ACVR1: variants seen among roughly 807,000 people sequenced by gnomAD.
The protein encoded by ACVR1 is activin A receptor type 1, also known as activin receptor type-1.
Under a neutral mutation model 57.1 loss-of-function variants are expected in ACVR1, and 38 were observed. The observed-to-expected ratio is 0.67, with a 90% confidence interval of 0.51 to 0.87. The LOEUF is 0.87. Ranked by LOEUF, ACVR1 falls within the 40% of genes least tolerant of loss-of-function variation. The probability of loss-of-function intolerance (pLI) is 0.00; values close to 1 mark genes in which losing one functional copy is unlikely to be tolerated. For synonymous variants in ACVR1, 212 were observed against 228.1 expected (o/e 0.93, Z 0.63); for missense variants, 463 against 638.2 (o/e 0.73, Z 2.96).
chr2:157,839,144 TC>T (rs986007458), intron 1 of ACVR1, among the ~76,000 whole-genome samples: 6 of 152,320 alleles, frequency 3.9e-5, no homozygotes, highest in South Asian at 2.1e-4. Context: ...AGCCACAGGC[TC>T]CTGCTCACTG....
At chr2:157,807,353 C>T (rs903428825) in intron 2 of ACVR1, among the ~76,000 whole-genome samples, 11 of 152,182 alleles carry the variant, frequency 7.2e-5, no homozygotes, top group African/African-American at 2.7e-4. Flanking sequence ...GTGCCTTACT[C>T]GTACCTCAAA....
intron 2 of ACVR1, among the ~76,000 whole-genome samples, chr2:157,809,835 G>A (rs937005932): frequency 6.6e-6 from 1 of 152,156 alleles, no homozygotes; most frequent in African/African-American, 2.4e-5. Flanking sequence ...AGCACTTTGG[G>A]AGGCTGAGGC....
At chr2:157,801,438 A>G (rs1311795329) in intron 2 of ACVR1, among the ~76,000 whole-genome samples, 3 of 152,216 alleles carry the variant, frequency 2.0e-5, no homozygotes, top group Non-Finnish European at 2.9e-5. Context: ...AGCACCAAAG[A>G]AGAGTAAGAA....
At chr2:157,754,035 G>T (rs982379854) in intron 9 of ACVR1, among the ~76,000 whole-genome samples, 1 of 152,062 alleles carries the variant, frequency 6.6e-6, no homozygotes, top group Non-Finnish European at 1.5e-5. Flanking sequence ...AAATCAAGAT[G>T]GAAATTAAAC....
intron 1 of ACVR1, among the ~76,000 whole-genome samples, chr2:157,871,097 G>T (rs1690100768): frequency 6.6e-6 from 1 of 152,184 alleles, no homozygotes; most frequent in Non-Finnish European, 1.5e-5. Context: ...TTGCCTCAAG[G>T]AGCCCAGGGA....
intron 1 of ACVR1, among the ~76,000 whole-genome samples, chr2:157,840,836 G>A (rs948975331): frequency 3.3e-5 from 5 of 152,258 alleles, no homozygotes; most frequent in Non-Finnish European, 5.9e-5. Flanking sequence ...TCCTGCAGCC[G>A]TCCACTTTAT....
chr2:157,762,597 C>CAT (rs1685702410), intron 8 of ACVR1, among the ~76,000 whole-genome samples: 1 of 152,168 alleles, frequency 6.6e-6, no homozygotes, highest in African/African-American at 2.4e-5. Flanking sequence ...AACTTGTGGA[C>CAT]ATATTTTAAA....
intron 9 of ACVR1, among the ~76,000 whole-genome samples, chr2:157,755,107 C>A (rs1685371391): frequency 6.6e-6 from 1 of 152,040 alleles, no homozygotes; most frequent in African/African-American, 2.4e-5. Flanking sequence ...AAGGGACATA[C>A]CTCAATGTAA....
At chr2:157,789,312 C>A (rs181676705) in intron 3 of ACVR1, among the ~76,000 whole-genome samples, 1 of 152,300 alleles carries the variant, frequency 6.6e-6, no homozygotes, top group African/African-American at 2.4e-5. Context: ...CAAACCATTC[C>A]CAGTTTCCAC....
intron 1 of ACVR1, among the ~76,000 whole-genome samples, chr2:157,873,871 C>A (rs956448774): frequency 6.6e-6 from 1 of 152,216 alleles, no homozygotes; most frequent in African/African-American, 2.4e-5. Context: ...AAGTTCCTCA[C>A]TTCTGAAATT....
rs1687300145 is a variant in ACVR1, at chr2:157,800,900, C to T, written c.-7-1400G>A. 2.6e-5 allele frequency among the ~76,000 whole-genome samples: 4 copies of T among 152,010 alleles called. No homozygotes were observed. The South Asian group carries it at 8.3e-4, about 32-fold the overall frequency. ...CTGCCCTGAGCCCCCTCCTCCACCC[C>T]TCTCCAACCCCATTGCCTCCTCCTG... On this transcript the variant is annotated intron_variant, in intron 2 of 10. Coordinates refer to ENST00000434821, the MANE Select transcript of ACVR1 (RefSeq NM_001111067.4).
intron 1 of ACVR1, among the ~76,000 whole-genome samples, chr2:157,860,974 C>G (rs753104040): frequency 6.6e-6 from 1 of 152,218 alleles, no homozygotes; most frequent in African/African-American, 2.4e-5. Flanking sequence ...CCAAGGACCA[C>G]ACGCTGAGTA....
At chr2:157,868,609 A>G (rs1690020399) in intron 1 of ACVR1, among the ~76,000 whole-genome samples, 1 of 152,164 alleles carries the variant, frequency 6.6e-6, no homozygotes, top group Non-Finnish European at 1.5e-5. Flanking sequence ...CAACCTATAC[A>G]CATACAGATA....
chr2:157,777,516 C>T (rs909989767), intron 5 of ACVR1, among the ~76,000 whole-genome samples: 2 of 152,120 alleles, frequency 1.3e-5, no homozygotes, highest in East Asian at 1.9e-4. Flanking sequence ...TCTACTTTTA[C>T]GAAACTTTTT....
In ACVR1 at chr2:157,757,569, C is replaced by T. The variant is rs564034781; in HGVS notation, c.1264+3311G>A. 5.3e-5 allele frequency among the ~76,000 whole-genome samples: 8 copies of T among 151,624 alleles called. 1 individual carries two copies. Among genetic ancestry groups the T allele is most frequent in the Admixed American group, 2.0e-4 (3 of 15,230 alleles). On this transcript the variant is annotated intron_variant, in intron 9 of 10. Coordinates refer to ENST00000434821, the MANE Select transcript of ACVR1 (RefSeq NM_001111067.4). Reference sequence around the variant, plus strand: ...AGTGGATTTCTCAGTGGTAATCTCACGGGCCAAGAGAGAATGGGATGACAT... The same window carrying T: ...AGTGGATTTCTCAGTGGTAATCTCATGGGCCAAGAGAGAATGGGATGACAT...
chr2:157,773,991 A>G, intron 6 of ACVR1, 97 bp downstream of exon 6: 1 of 987,906 alleles, frequency 1.0e-6, no homozygotes, highest in Non-Finnish European at 1.6e-6. Context: ...AGGAAACAAC[A>G]GGTAACAAAA....
chr2:157,833,484 C>A (rs748475774), intron 1 of ACVR1, among the ~76,000 whole-genome samples: 1 of 152,182 alleles, frequency 6.6e-6, no homozygotes, highest in Non-Finnish European at 1.5e-5. Context: ...TTGAGTATCA[C>A]TGAGAGAGAC....
At position 157,779,293 on chromosome 2, in the gene ACVR1, A is replaced by C. The variant is rs542386750; in HGVS notation, c.332-951T>G. On this transcript the variant is annotated intron_variant, in intron 4 of 10. Transcript: ENST00000434821. ...ATGTCCATCCACCCAATTAATAAAA[A>C]TTTAACTCACAAAGTATAACAGTAA... Among the ~76,000 whole-genome samples the C allele has an allele frequency of 4.6e-5, 7 of 152,386 alleles. No individual in the cohort carries two copies. The East Asian group carries it at 1.3e-3, about 29-fold the overall frequency.
At chr2:157,827,407 G>GC (rs1319518629) in intron 1 of ACVR1, among the ~76,000 whole-genome samples, 1 of 152,074 alleles carries the variant, frequency 6.6e-6, no homozygotes, top group Non-Finnish European at 1.5e-5. Context: ...GTTTTATGTG[G>GC]CCTCGTTTTC....
Sources: allele counts gnomAD v4.1 joint callset (sites outside exome capture counted in the v4.1 genomes callset), GRCh38; gene constraint gnomAD v4.1.1; transcripts MANE v1.5; gene names NCBI Gene and HGNC (gene_info 2026-07-23, HGNC 2026-07-21).